PRKN: variants seen among roughly 807,000 people sequenced by gnomAD.
The protein encoded by PRKN is parkin RBR E3 ubiquitin protein ligase.
Under a neutral mutation model 59.5 loss-of-function variants are expected in PRKN, and 56 were observed. That is an observed-to-expected ratio of 0.94 (90% CI 0.76 to 1.18). PRKN has a LOEUF of 1.18. PRKN is among the 50% of genes most tolerant of loss of function. The probability of loss-of-function intolerance (pLI) is 0.00; values close to 1 mark genes in which losing one functional copy is unlikely to be tolerated. For synonymous variants in PRKN, 250 were observed against 222.1 expected (o/e 1.13, Z -1.12); for missense variants, 657 against 596.4 (o/e 1.10, Z -1.06).
intron 7 of PRKN, among the ~76,000 whole-genome samples, chr6:161,682,810 C>G (rs1305168960): frequency 6.6e-6 from 1 of 152,086 alleles, no homozygotes; most frequent in African/African-American, 2.4e-5. Flanking sequence ...AAGAACCATC[C>G]CTGCACCACA....
chr6:161,387,270 T>A (rs1786298976), intron 9 of PRKN, among the ~76,000 whole-genome samples: 1 of 152,192 alleles, frequency 6.6e-6, no homozygotes, highest in Admixed American at 6.5e-5. Flanking sequence ...ATTTCTCCCA[T>A]GCTATTCTTG....
At chr6:162,035,602 T>G (rs1202401649) in intron 5 of PRKN, among the ~76,000 whole-genome samples, 1 of 152,140 alleles carries the variant, frequency 6.6e-6, no homozygotes, top group Non-Finnish European at 1.5e-5. Flanking sequence ...GTGTGACTAG[T>G]AAAAGAAAAT....
chr6:162,105,890 T>C lies in PRKN; in HGVS notation c.535-51716A>G, dbSNP rs560686562. On this transcript the variant is annotated intron_variant, in intron 4 of 11. Coordinates refer to ENST00000366898, the MANE Select transcript of PRKN (RefSeq NM_004562.3). ...ATAAACTCTGAGGTTTGGAACATTA[T>C]TAATGATTAGTACAGGCTGAGAAAC... Among the ~76,000 whole-genome samples, 53 of 152,352 alleles carry C rather than the reference T, an allele frequency of 3.5e-4. 1 individual carries two copies. The East Asian group carries it at 8.3e-3, about 24-fold the overall frequency.
chr6:161,897,959 T>C (rs1449478333), intron 6 of PRKN, among the ~76,000 whole-genome samples: 24 of 26,726 alleles, frequency 9.0e-4, no homozygotes, highest in African/African-American at 4.1e-3. Context: ...AGAGCGAGAC[T>C]CCGTCTCAAA....
At chr6:162,643,412 A>AAAAAAAAAAAAAG (rs71784410) in intron 1 of PRKN, among the ~76,000 whole-genome samples, 12 of 139,680 alleles carry the variant, frequency 8.6e-5, no homozygotes, top group East Asian at 2.3e-4. Flanking sequence ...AAAAAAAAAA[A>AAAAAAAAAAAAAG]AAAGAAAGAA....
At chr6:161,614,672 C>T (rs1782621879) in intron 7 of PRKN, among the ~76,000 whole-genome samples, 1 of 152,194 alleles carries the variant, frequency 6.6e-6, no homozygotes, top group Non-Finnish European at 1.5e-5. Flanking sequence ...TGTATAGACA[C>T]TACAGTGGGA....
chr6:161,892,403 CA>C (rs1242115829), intron 6 of PRKN, among the ~76,000 whole-genome samples: 35 of 125,778 alleles, frequency 2.8e-4, no homozygotes, highest in Non-Finnish European at 2.5e-4. Context: ...CCACCTCAAC[CA>C]AAAAAAAAAA....
intron 7 of PRKN, among the ~76,000 whole-genome samples, chr6:161,672,767 C>A (rs114104273): frequency 3.3e-5 from 5 of 151,958 alleles, no homozygotes; most frequent in Non-Finnish European, 5.9e-5. Flanking sequence ...CAGAGCAAGA[C>A]TCCATTACAC....
chr6:161,367,741 T>C (rs1582978865), intron 10 of PRKN, among the ~76,000 whole-genome samples: 2 of 151,970 alleles, frequency 1.3e-5, no homozygotes, highest in South Asian at 4.2e-4. Context: ...GGCCGGCGGG[T>C]CCGAGACCCT....
At chr6:161,677,969 G>A (rs1785150709) in intron 7 of PRKN, among the ~76,000 whole-genome samples, 1 of 152,140 alleles carries the variant, frequency 6.6e-6, no homozygotes, top group Non-Finnish European at 1.5e-5. Flanking sequence ...ACTGCCTCCA[G>A]GAGTGTTGGC....
Position 161,359,892 on chromosome 6 carries a change from G to T in PRKN, c.1285+196C>A, listed in dbSNP as rs994658470. 3.9e-5 allele frequency among the ~76,000 whole-genome samples: 6 copies of T among 152,126 alleles called. No homozygotes were observed. The highest frequency in any genetic ancestry group is 8.8e-5 in the Non-Finnish European group (6 of 68,038). The stretch of plus-strand genomic sequence containing the variant: ...TAACTGTGTGCCTCACATAGCCATG[G>T]AACTACTCACTCATTAAATATTTCT... On this transcript the variant is annotated intron_variant, in intron 11 of 11. Transcript: ENST00000366898. The surrounding 1 kb of genome is among the most constrained non-coding windows in gnomAD (Gnocchi z 5.4).
intron 4 of PRKN, among the ~76,000 whole-genome samples, chr6:162,060,994 C>A (rs1425680853): frequency 6.6e-6 from 1 of 152,148 alleles, no homozygotes; most frequent in East Asian, 1.9e-4. Flanking sequence ...ACAACAACAG[C>A]AAAACTATCT....
At chr6:162,615,688 A>G (rs1022802810) in intron 1 of PRKN, among the ~76,000 whole-genome samples, 1 of 152,198 alleles carries the variant, frequency 6.6e-6, no homozygotes, top group Non-Finnish European at 1.5e-5. Context: ...TTATTCCACC[A>G]TTAATTAATT....
chr6:162,411,995 G>A (rs969442823), intron 2 of PRKN, among the ~76,000 whole-genome samples: 1 of 151,376 alleles, frequency 6.6e-6, no homozygotes, highest in Non-Finnish European at 1.5e-5. Context: ...GAAAACCATA[G>A]TATTTCTTTG....
At chr6:162,420,507 G>A (rs1330030700) in intron 2 of PRKN, among the ~76,000 whole-genome samples, 2 of 152,192 alleles carry the variant, frequency 1.3e-5, no homozygotes, top group Non-Finnish European at 2.9e-5. Flanking sequence ...AGCCAGCAGA[G>A]TCAGGGAGAT....
intron 5 of PRKN, among the ~76,000 whole-genome samples, chr6:162,018,178 C>T (rs968817156): frequency 1.6e-4 from 24 of 152,276 alleles, no homozygotes; most frequent in African/African-American, 5.3e-4. Flanking sequence ...AGGCGCCCAT[C>T]GCCATGCCCG....
At chr6:162,542,762 G>A (rs1207446610) in intron 1 of PRKN, among the ~76,000 whole-genome samples, 1 of 152,112 alleles carries the variant, frequency 6.6e-6, no homozygotes, top group African/African-American at 2.4e-5. Flanking sequence ...CTACTGACTT[G>A]GAAGCAAACA....
rs887790104 is a variant in PRKN, at chr6:161,473,841, T to A, written c.1083+75013A>T. 1.3e-5 allele frequency among the ~76,000 whole-genome samples: 2 copies of A among 152,130 alleles called. No individual in the cohort carries two copies. Among genetic ancestry groups the A allele is most frequent in the Non-Finnish European group, 2.9e-5 (2 of 68,034 alleles). On this transcript the variant is annotated intron_variant, in intron 9 of 11. Coordinates refer to ENST00000366898, the MANE Select transcript of PRKN (RefSeq NM_004562.3). The surrounding 1 kb of genome is among the most constrained non-coding windows in gnomAD (Gnocchi z 4.1). ...ATATGTTGTACACCTTAACTATATA[T>A]AATAGAAAAATAAGTAAATAAGAAA...
rs5881438 is a variant in PRKN at position 161,827,509 on chromosome 6, CT to C, written c.735-41602del. Among the ~76,000 whole-genome samples the C allele has an allele frequency of 8.6e-3, 1,070 of 124,882 alleles. 10 individuals are homozygous for C. The highest frequency in any genetic ancestry group is 0.029 in the African/African-American group (945 of 32,336). 81.9% of individuals were successfully genotyped at this position (124,882 alleles called of 152,430 possible). On this transcript the variant is annotated intron_variant, in intron 6 of 11. Transcript: ENST00000366898. ...CTTGTATTCACCTCAATTGATTTTA[CT>C]TTTTTTTTTTTTTTTTTGAGACAGA... is the stretch of plus-strand genomic sequence containing the variant.
Sources: allele counts gnomAD v4.1 joint callset (sites outside exome capture counted in the v4.1 genomes callset), GRCh38; gene constraint gnomAD v4.1.1; non-coding constraint Gnocchi (gnomAD v3.1); transcripts MANE v1.5; gene names NCBI Gene and HGNC (gene_info 2026-07-23, HGNC 2026-07-21).